FRMPD1: variants seen among roughly 807,000 people sequenced by gnomAD.
FRMPD1 encodes FERM and PDZ domain-containing protein 1.
In FRMPD1, 76 loss-of-function variants were observed where a neutral mutation model predicts 117.8. The ratio of observed to expected loss-of-function variants is 0.65; its 90% confidence interval spans 0.54 to 0.78. The LOEUF (loss-of-function observed/expected upper bound fraction) is 0.78. Among genes scored for constraint, FRMPD1 ranks in the 30% least tolerant of loss-of-function variants. The pLI is 0.00. For missense variants in FRMPD1, 1,786 were observed against 1,964.5 expected (o/e 0.91, Z 1.72); for synonymous variants, 783 against 770.4 (o/e 1.02, Z -0.27).
chr9:37,733,963 C>T (rs1047446824), intron 12 of FRMPD1, 138 bp downstream of exon 12: 3 of 642,660 alleles, frequency 4.7e-6, no homozygotes, highest in Non-Finnish European at 8.3e-6. Context: ...AAATAGTACA[C>T]CACTGGAAAA....
chr9:37,696,051 C>CTTTTTTTTTTTT (rs61521469), intron 2 of FRMPD1, among the ~76,000 whole-genome samples: 17 of 78,112 alleles, frequency 2.2e-4, no homozygotes, highest in Non-Finnish European at 2.9e-4. Context: ...CATTGTTTTG[C>CTTTTTTTTTTTT]TTTTTTTTTT....
intron 12 of FRMPD1, among the ~76,000 whole-genome samples, chr9:37,735,013 A>G (rs1277744726): frequency 2.6e-5 from 4 of 152,252 alleles, no homozygotes; most frequent in African/African-American, 9.6e-5. Flanking sequence ...ACTGCGGGTT[A>G]CAAATAGAGA....
At chr9:37,738,748 G>C (rs1236957958) in intron 14 of FRMPD1, among the ~76,000 whole-genome samples, 2 of 152,178 alleles carry the variant, frequency 1.3e-5, no homozygotes, top group South Asian at 2.1e-4. Flanking sequence ...GGGGTTGTGG[G>C]GGGGACTGCT....
At chr9:37,680,513 G>T (rs903911075) in intron 1 of FRMPD1, among the ~76,000 whole-genome samples, 3 of 152,196 alleles carry the variant, frequency 2.0e-5, no homozygotes, top group African/African-American at 7.2e-5. Context: ...TGTTTTGCAG[G>T]TGTGGTGGTC....
upstream of FRMPD1, among the ~76,000 whole-genome samples, chr9:37,650,509 C>T (rs1820635121): frequency 1.3e-5 from 2 of 151,584 alleles, no homozygotes; most frequent in African/African-American, 4.9e-5. Flanking sequence ...ACCTGCGGGG[C>T]GTGGGGGTCA....
intron 4 of FRMPD1, 134 bp downstream of exon 4, chr9:37,708,635 G>T (rs573551744): frequency 5.1e-6 from 3 of 592,824 alleles, no homozygotes; most frequent in African/African-American, 1.9e-5. Context: ...AAACAGCCTC[G>T]TTTTAGAGTT....
At chr9:37,732,530 C>G (rs1317375496) in intron 10 of FRMPD1, 90 bp downstream of exon 10, 7 of 1,217,496 alleles carry the variant, frequency 5.7e-6, no homozygotes, top group Non-Finnish European at 7.9e-6. Flanking sequence ...CTGATAGTCA[C>G]CCACCTACCC....
At chr9:37,703,606 G>A (rs192613971) in intron 2 of FRMPD1, among the ~76,000 whole-genome samples, 1 of 152,232 alleles carries the variant, frequency 6.6e-6, no homozygotes, top group East Asian at 1.9e-4. Context: ...TGTATTCACA[G>A]ATCTGCAACT....
chr9:37,718,374 C>T (rs1823242433), intron 5 of FRMPD1, among the ~76,000 whole-genome samples: 1 of 152,204 alleles, frequency 6.6e-6, no homozygotes, highest in Non-Finnish European at 1.5e-5. Context: ...AATAGTGTAT[C>T]AGGATTTCAT....
Position 37,745,262 on chromosome 9 carries a change from C to G in FRMPD1, c.3230C>G (p.Ser1077Cys), listed in dbSNP as rs1277432973. 1 of 1,611,782 alleles carries G rather than the reference C, an allele frequency of 6.2e-7. No homozygotes were observed. ...TAPKYTEPLL[S>C]PRDEPRSDEC... is the part of the protein sequence containing the mutation. ...CCCAAATACACAGAGCCTTTGTTGT[C>G]TCCTAGAGATGAGCCTAGAAGTGAT... The change falls in exon 16 of 16, where the codon TCT becomes TGT. Residue 1077 changes from serine (S) to cysteine (C), a missense_variant. Coordinates refer to ENST00000377765, the MANE Select transcript of FRMPD1 (RefSeq NM_014907.3).
At chr9:37,658,282 C>G (rs1820899196) in intron 1 of FRMPD1, among the ~76,000 whole-genome samples, 1 of 152,160 alleles carries the variant, frequency 6.6e-6, no homozygotes, top group African/African-American at 2.4e-5. Flanking sequence ...CGGTGGGTCC[C>G]CCTTCTGAGC....
the FRMPD1 span, chr9:37,637,073 G>A: frequency 6.4e-7 from 1 of 1,555,872 alleles, no homozygotes; most frequent in Non-Finnish European, 8.9e-7. Context: ...GTAGCTGGAA[G>A]TGATGGTCCA....
At chr9:37,708,810 C>T in intron 4 of FRMPD1, among the ~76,000 whole-genome samples, 1 of 152,238 alleles carries the variant, frequency 6.6e-6, no homozygotes. Flanking sequence ...AAATAACCCA[C>T]AGGCCCTACC....
chr9:37,659,138 T>G (rs573330856), intron 1 of FRMPD1, among the ~76,000 whole-genome samples: 2 of 152,202 alleles, frequency 1.3e-5, no homozygotes, highest in Admixed American at 6.5e-5. Flanking sequence ...AGTGCTGGGA[T>G]GACGGGTGTG....
intron 15 of FRMPD1, among the ~76,000 whole-genome samples, chr9:37,743,612 G>C (rs1235483736): frequency 2.1e-5 from 3 of 142,976 alleles, no homozygotes; most frequent in Non-Finnish European, 4.5e-5. Flanking sequence ...GGCTGGCGTG[G>C]ACAGAGCATC....
chr9:37,736,986 C>T (rs1014720522), intron 13 of FRMPD1, 110 bp from the exon 14 acceptor site: 19 of 806,808 alleles, frequency 2.4e-5, no homozygotes, highest in Middle Eastern at 2.3e-4. Context: ...ACCTGTGGAC[C>T]ATGGCCGGAT....
the FRMPD1 span, among the ~76,000 whole-genome samples, chr9:37,606,833 G>T: frequency 6.6e-6 from 1 of 152,194 alleles, no homozygotes; most frequent in African/African-American, 2.4e-5. Context: ...CCAGAGAGAG[G>T]CTGGAGTAGG....
chr9:37,674,701 TG>T (rs1821465970), intron 1 of FRMPD1, among the ~76,000 whole-genome samples: 1 of 152,214 alleles, frequency 6.6e-6, no homozygotes. Context: ...TCTTACCTGG[TG>T]GCGGCAAGAG....
At chr9:37,620,543 A>C in the FRMPD1 span, among the ~76,000 whole-genome samples, 1 of 151,978 alleles carries the variant, frequency 6.6e-6, no homozygotes, top group East Asian at 1.9e-4. Flanking sequence ...ATTTGGGGTA[A>C]TGTTCAAGGG....
Sources: gnomAD v4.1 joint callset for allele counts (sites outside exome capture counted in the v4.1 genomes callset) on GRCh38, gnomAD v4.1.1 for gene constraint, MANE v1.5 for transcripts, NCBI Gene and HGNC (gene_info 2026-07-23, HGNC 2026-07-21) for gene names.